The following SPATA3 variants were observed in gnomAD, a reference collection of about 807,000 sequenced individuals.
SPATA3 encodes spermatogenesis-associated protein 3.
In SPATA3, 6 loss-of-function variants were observed where a neutral mutation model predicts 5.7. The ratio of observed to expected loss-of-function variants is 1.06; its 90% CI spans 0.58 to 2.09. SPATA3 has a LOEUF of 2.09. Ranked by LOEUF, SPATA3 falls within the 30% of genes most tolerant of loss-of-function variation. The pLI is 0.00. For missense variants in SPATA3, 155 were observed against 130.4 expected (o/e 1.19, Z -0.92); for synonymous variants, 44 against 48.4 (o/e 0.91, Z 0.37).
intron 1 of SPATA3, among the ~76,000 whole-genome samples, chr2:230,997,459 T>A (rs953238245): frequency 6.6e-6 from 1 of 152,226 alleles, no homozygotes; most frequent in African/African-American, 2.4e-5. Context: ...TACAGGCCCA[T>A]GGATAGGATA....
chr2:231,000,897 G>A (rs907098154), intron 2 of SPATA3, among the ~76,000 whole-genome samples: 2 of 152,206 alleles, frequency 1.3e-5, no homozygotes, highest in African/African-American at 4.8e-5. Context: ...TTTAAACACT[G>A]TTTGGCCATG....
At chr2:231,017,211 T>C (rs909401828) in intron 6 of SPATA3, among the ~76,000 whole-genome samples, 3 of 152,212 alleles carry the variant, frequency 2.0e-5, no homozygotes, top group African/African-American at 7.2e-5. Flanking sequence ...GGGAACTTAA[T>C]GGTTTATGTA....
At chr2:231,010,294 G>A (rs1380180414), downstream of SPATA3, among the ~76,000 whole-genome samples, 1 of 152,250 alleles carries the variant, frequency 6.6e-6, no homozygotes. Context: ...GGACAGCCTT[G>A]TAGAAATAGG....
rs113515269 is a variant in SPATA3 at position 231,000,548 on chromosome 2, C to A, written c.962+11C>A. 15 of 1,504,994 alleles carry A rather than the reference C, an allele frequency of 1.0e-5. No homozygotes were observed. Among genetic ancestry groups the A allele is most frequent in the Middle Eastern group, 1.7e-4 (1 of 5,816 alleles). The allele number at this position is 1,504,994 out of a possible 1,614,324, so 93.2% of individuals were successfully genotyped here. ...GCTCACCTTCTACAGGTTCCAAGCG[C>A]GAGGGGCTGGAGCCTCGGGGCACAC... On this transcript the variant is annotated intron_variant, in intron 2 of 2. Coordinates refer to ENST00000645363, the Ensembl canonical transcript of SPATA3.
chr2:231,010,806 G>A (rs1380888221), downstream of SPATA3, among the ~76,000 whole-genome samples: 6 of 151,744 alleles, frequency 4.0e-5, no homozygotes, highest in Non-Finnish European at 8.8e-5. Context: ...AGTGGCTCAC[G>A]CCTGTAATCC....
At chr2:230,997,780 GC>G (rs1410436400) in intron 1 of SPATA3, among the ~76,000 whole-genome samples, 1 of 152,208 alleles carries the variant, frequency 6.6e-6, no homozygotes, top group East Asian at 1.9e-4. Context: ...CAGGAGGTGG[GC>G]TGGTTTATAC....
downstream of SPATA3, among the ~76,000 whole-genome samples, chr2:231,009,512 C>T (rs1692726476): frequency 6.6e-6 from 1 of 152,166 alleles, no homozygotes; most frequent in Non-Finnish European, 1.5e-5. Context: ...ACAGACCACA[C>T]AATAAAGAAC....
At chr2:231,005,367 T>C (rs1312533743), downstream of SPATA3, among the ~76,000 whole-genome samples, 38 of 45,926 alleles carry the variant, frequency 8.3e-4, no homozygotes, top group African/African-American at 1.4e-3. Context: ...ACCACCACCA[T>C]CATCACCACC....
chr2:231,000,700 A>T (rs971118214), intron 2 of SPATA3, among the ~76,000 whole-genome samples, 163 bp downstream of exon 2: 7 of 152,198 alleles, frequency 4.6e-5, no homozygotes, highest in African/African-American at 1.2e-4. Context: ...GGACGTTGGC[A>T]GGCAGGGCCC....
intron 2 of SPATA3, among the ~76,000 whole-genome samples, chr2:231,000,897 G>C (rs907098154): frequency 2.0e-5 from 3 of 152,206 alleles, no homozygotes; most frequent in Non-Finnish European, 4.4e-5. Flanking sequence ...TTTAAACACT[G>C]TTTGGCCATG....
chr2:231,015,257 C>CTTTTT (rs35102459), intron 6 of SPATA3, among the ~76,000 whole-genome samples: 2,021 of 93,914 alleles, frequency 0.022, 37 homozygotes, highest in African/African-American at 0.028. Context: ...ATCGTTTTGG[C>CTTTTT]TTTTTTTTTT....
downstream of SPATA3, among the ~76,000 whole-genome samples, chr2:231,005,361 C>CCAT (rs1692558046): frequency 8.6e-5 from 5 of 58,238 alleles, no homozygotes; most frequent in Non-Finnish European, 1.1e-4. Flanking sequence ...ATCACCACCA[C>CCAT]CACCATCATC....
downstream of SPATA3, among the ~76,000 whole-genome samples, chr2:231,011,399 G>A (rs1288913496): frequency 6.6e-5 from 10 of 152,112 alleles, no homozygotes; most frequent in African/African-American, 1.7e-4. Context: ...CTCCGCACCC[G>A]GTCCAGTTGG....
At chr2:231,012,133 A>G (rs1045561463), downstream of SPATA3, among the ~76,000 whole-genome samples, 1 of 152,212 alleles carries the variant, frequency 6.6e-6, no homozygotes, top group African/African-American at 2.4e-5. Context: ...GGCAAGAAGG[A>G]AAGTGTCCAA....
At chr2:231,016,020 G>T (rs1194570877) in intron 6 of SPATA3, among the ~76,000 whole-genome samples, 1 of 152,194 alleles carries the variant, frequency 6.6e-6, no homozygotes. Flanking sequence ...ACCTCTTTGG[G>T]CATGGGCAGG....
chr2:230,997,541 T>A (rs1692174259), intron 1 of SPATA3, among the ~76,000 whole-genome samples: 1 of 152,290 alleles, frequency 6.6e-6, no homozygotes, highest in Non-Finnish European at 1.5e-5. Context: ...TTAGTATGTG[T>A]GTCCCCAGTA....
chr2:231,014,964 G>A (rs1004959470), intron 6 of SPATA3, among the ~76,000 whole-genome samples: 2 of 152,170 alleles, frequency 1.3e-5, no homozygotes, highest in African/African-American at 4.8e-5. Context: ...GCCAAAGGGA[G>A]CACCAGCAAA....
downstream of SPATA3, chr2:231,002,846 C>A: frequency 8.6e-7 from 1 of 1,166,606 alleles, no homozygotes. Flanking sequence ...AGCGCTCTGT[C>A]CCTTCGAATG....
downstream of SPATA3, among the ~76,000 whole-genome samples, chr2:231,006,009 A>G (rs548477934): frequency 2.8e-4 from 43 of 151,444 alleles, no homozygotes; most frequent in South Asian, 6.3e-4. Flanking sequence ...ACAAAAAAAA[A>G]AAAAAAGAGA....
Sources: allele counts gnomAD v4.1 joint callset (sites outside exome capture counted in the v4.1 genomes callset), GRCh38; gene constraint gnomAD v4.1.1; transcripts MANE v1.5; gene names NCBI Gene and HGNC (gene_info 2026-07-23, HGNC 2026-07-21).